CNTN4: variants seen among roughly 807,000 people sequenced by gnomAD.
CNTN4 encodes the protein contactin-4.
Under a neutral mutation model 122.5 loss-of-function variants are expected in CNTN4, and 77 were observed. The ratio of observed to expected loss-of-function variants is 0.63; its 90% CI spans 0.52 to 0.76. CNTN4 has a LOEUF of 0.76. Among genes scored for constraint, CNTN4 ranks in the 30% least tolerant of loss-of-function variants. The pLI is 0.00. For missense variants in CNTN4, 1,256 were observed against 1,259.1 expected, an observed-to-expected ratio of 1.00 and a Z score of 0.04; for synonymous variants, 512 against 447.0, an observed-to-expected ratio of 1.15 and a Z score of -1.83.
At chr3:3,006,553 CT>C (rs1696667902) in intron 14 of CNTN4, among the ~76,000 whole-genome samples, 1 of 152,154 alleles carries the variant, frequency 6.6e-6, no homozygotes, top group Admixed American at 6.5e-5. Flanking sequence ...TATATTCAAG[CT>C]AAGGCCCAAT....
At chr3:2,575,643 T>G (rs980083266) in intron 4 of CNTN4, among the ~76,000 whole-genome samples, 4 of 152,198 alleles carry the variant, frequency 2.6e-5, no homozygotes, top group African/African-American at 9.6e-5. Flanking sequence ...TCTTTAAATC[T>G]GTGCTCAAAT....
intron 13 of CNTN4, among the ~76,000 whole-genome samples, chr3:2,950,059 C>T (rs1432367247): frequency 1.3e-5 from 2 of 152,212 alleles, no homozygotes; most frequent in African/African-American, 2.4e-5. Context: ...TTGCATCCAG[C>T]TTAACTGCTT....
chr3:2,683,697 T>G (rs2085284502), intron 4 of CNTN4, among the ~76,000 whole-genome samples: 1 of 152,194 alleles, frequency 6.6e-6, no homozygotes, highest in South Asian at 2.1e-4. Flanking sequence ...ATAAGTCTTT[T>G]TAATTATTTT....
intron 24 of CNTN4, among the ~76,000 whole-genome samples, chr3:3,054,451 A>G (rs1182037949): frequency 1.3e-5 from 2 of 152,238 alleles, no homozygotes; most frequent in African/African-American, 2.4e-5. Flanking sequence ...ATGTGCATCA[A>G]TGTGTATGTC....
intron 2 of CNTN4, among the ~76,000 whole-genome samples, chr3:2,186,439 T>C (rs1472286652): frequency 6.6e-6 from 1 of 152,210 alleles, no homozygotes; most frequent in Non-Finnish European, 1.5e-5. Flanking sequence ...CCTTTGAGTA[T>C]ATACCCATTA....
intron 3 of CNTN4, among the ~76,000 whole-genome samples, chr3:2,509,483 G>T (rs1056608769): frequency 3.9e-5 from 6 of 152,120 alleles, no homozygotes; most frequent in African/African-American, 1.4e-4. Flanking sequence ...TAATTGCCTT[G>T]TTTCTTTGTA....
At chr3:2,273,716 A>G (rs2044602) in intron 2 of CNTN4, among the ~76,000 whole-genome samples, 78,242 of 151,962 alleles carry the variant, frequency 0.51, 21,049 homozygotes, top group South Asian at 0.65. Flanking sequence ...CTCTTAATGC[A>G]GTACTAATAT....
intron 6 of CNTN4, among the ~76,000 whole-genome samples, chr3:2,780,940 T>G (rs1209171253): frequency 6.6e-6 from 1 of 152,200 alleles, no homozygotes; most frequent in African/African-American, 2.4e-5. Flanking sequence ...AGTAGAATAT[T>G]TTGTTCTACA....
chr3:2,754,761 AAAG>A (rs1576669118), intron 6 of CNTN4, among the ~76,000 whole-genome samples: 2 of 152,110 alleles, frequency 1.3e-5, no homozygotes, highest in East Asian at 1.9e-4. Flanking sequence ...AAAAAAAAGA[AAAG>A]AAAAAATTTT....
Position 2,518,446 on chromosome 3 carries a change from C to T in CNTN4, c.-88-52970C>T, listed in dbSNP as rs376389710. The stretch of plus-strand genomic sequence containing the variant: ...TCTTGATGTTGTACATGACAGTCTT[C>T]GGTCGCAAAATAATCTAGAAAATTA... On this transcript the variant is annotated intron_variant, in intron 3 of 24. Transcript: ENST00000418658. Among the ~76,000 whole-genome samples, 117 of 152,206 alleles carry T rather than the reference C, an allele frequency of 7.7e-4. 1 individual carries two copies. The highest frequency in any genetic ancestry group is 2.6e-3 in the African/African-American group (109 of 41,552).
At chr3:2,962,506 A>C (rs547084867) in intron 13 of CNTN4, among the ~76,000 whole-genome samples, 3 of 152,362 alleles carry the variant, frequency 2.0e-5, no homozygotes, top group Admixed American at 6.5e-5. Flanking sequence ...CCCTGGAAGA[A>C]GCAGTTTTGA....
At chr3:2,664,253 G>A (rs1019771752) in intron 4 of CNTN4, among the ~76,000 whole-genome samples, 5 of 152,136 alleles carry the variant, frequency 3.3e-5, no homozygotes, top group Non-Finnish European at 4.4e-5. Context: ...AAATACATAC[G>A]TCTTCTAAGC....
intron 7 of CNTN4, among the ~76,000 whole-genome samples, chr3:2,849,418 A>G (rs181375587): frequency 1.6e-4 from 24 of 152,340 alleles, no homozygotes; most frequent in African/African-American, 5.5e-4. Flanking sequence ...AAACTTTTAT[A>G]TGTATTTTGC....
At chr3:2,388,606 A>G (rs368851302) in intron 3 of CNTN4, among the ~76,000 whole-genome samples, 1 of 152,240 alleles carries the variant, frequency 6.6e-6, no homozygotes, top group Admixed American at 6.5e-5. Context: ...GCAATTTGGG[A>G]GGCCGAGGCA....
chr3:2,630,556 C>G (rs986822528), intron 4 of CNTN4, among the ~76,000 whole-genome samples: 3 of 152,064 alleles, frequency 2.0e-5, no homozygotes, highest in Non-Finnish European at 2.9e-5. Flanking sequence ...CTTGACAAGC[C>G]CAATACATTC....
chr3:3,018,083 G>A (rs1697937661), intron 14 of CNTN4, among the ~76,000 whole-genome samples: 1 of 152,168 alleles, frequency 6.6e-6, no homozygotes, highest in Non-Finnish European at 1.5e-5. Flanking sequence ...CCTTCAAAAT[G>A]TAGATCCTAA....
At chr3:2,365,969 A>G (rs1575470721) in intron 3 of CNTN4, among the ~76,000 whole-genome samples, 1 of 152,346 alleles carries the variant, frequency 6.6e-6, no homozygotes, top group Non-Finnish European at 1.5e-5. Flanking sequence ...GGAGCAATTT[A>G]ACTTTGCATT....
In CNTN4 at chr3:2,552,273, C is replaced by T. The variant is rs114396104; in HGVS notation, c.-88-19143C>T. Among the ~76,000 whole-genome samples the T allele has an allele frequency of 1.7e-3, 262 of 152,150 alleles. 2 individuals are homozygous for T. Among genetic ancestry groups the T allele is most frequent in the South Asian group, 8.9e-3 (43 of 4,820 alleles). Reference sequence around the variant, plus strand: ...GTTTCAGTAGAAACCGACAGAAAAGCGTTTTAGGAATGCTGTAGATTAGGG... The same window carrying T: ...GTTTCAGTAGAAACCGACAGAAAAGTGTTTTAGGAATGCTGTAGATTAGGG... On this transcript the variant is annotated intron_variant, in intron 3 of 24. Coordinates refer to ENST00000418658, the MANE Select transcript of CNTN4 (RefSeq NM_175607.3).
chr3:3,040,927 CAAA>C lies in CNTN4; in HGVS notation c.2398+669_2398+671del, dbSNP rs3053504. Reference sequence around the variant, plus strand: ...GGGCAACAAGAGCAAAACTCCATCTCAAAAAAAAAAAAAAATCTCACTTATTAA... The same window carrying C: ...GGGCAACAAGAGCAAAACTCCATCTCAAAAAAAAAAAATCTCACTTATTAA... On this transcript the variant is annotated intron_variant, in intron 20 of 24. Coordinates refer to ENST00000418658, the MANE Select transcript of CNTN4 (RefSeq NM_175607.3). 1.0e-2 allele frequency: 1,413 copies of C among 141,884 alleles called. 21 individuals carry two copies. The highest frequency in any genetic ancestry group is 0.032 in the African/African-American group (1,291 of 39,902). The allele number at this position is 141,884 out of a possible 1,614,324, so 8.8% of individuals were successfully genotyped here.
Sources: allele counts gnomAD v4.1 joint callset (sites outside exome capture counted in the v4.1 genomes callset), GRCh38; gene constraint gnomAD v4.1.1; transcripts MANE v1.5; gene names NCBI Gene and HGNC (gene_info 2026-07-23, HGNC 2026-07-21).